OPCML: variants seen among roughly 807,000 people sequenced by gnomAD.
The protein encoded by OPCML is opioid binding protein/cell adhesion molecule like, also known as opioid-binding protein/cell adhesion molecule.
Under a neutral mutation model 37.8 loss-of-function variants are expected in OPCML, and 13 were observed. That is an observed-to-expected ratio of 0.34 (90% CI 0.22 to 0.55). OPCML has a LOEUF of 0.55. OPCML is among the 20% of genes least tolerant of loss of function. OPCML has a pLI of 0.91. For synonymous variants in OPCML, 176 were observed against 168.8 expected, an observed-to-expected ratio of 1.04 and a Z score of -0.33; for missense variants, 341 against 435.6, an observed-to-expected ratio of 0.78 and a Z score of 1.93.
intron 1 of OPCML, among the ~76,000 whole-genome samples, chr11:133,293,273 C>T (rs1392923115): frequency 2.0e-5 from 3 of 152,132 alleles, no homozygotes; most frequent in Non-Finnish European, 4.4e-5. Context: ...TTCTTTCCAT[C>T]ATCCTGGAGA....
intron 2 of OPCML, among the ~76,000 whole-genome samples, chr11:132,898,262 G>C (rs1398364587): frequency 6.6e-6 from 1 of 152,220 alleles, no homozygotes; most frequent in East Asian, 1.9e-4. Flanking sequence ...TCATGGAAGA[G>C]GCAGCATTTT....
chr11:133,326,956 T>C (rs1943483127), intron 1 of OPCML, among the ~76,000 whole-genome samples: 2 of 119,008 alleles, frequency 1.7e-5, no homozygotes, highest in African/African-American at 3.3e-5. Context: ...GGTGTGTGTA[T>C]GAGGTGGGGT....
chr11:133,199,961 G>A (rs1016282120), intron 1 of OPCML, among the ~76,000 whole-genome samples: 4 of 152,072 alleles, frequency 2.6e-5, no homozygotes, highest in Admixed American at 2.0e-4. Flanking sequence ...GCACTGACTC[G>A]GGAGAGACTC....
intron 4 of OPCML, among the ~76,000 whole-genome samples, chr11:132,443,549 G>A (rs1316668142): frequency 6.6e-6 from 1 of 152,234 alleles, no homozygotes; most frequent in East Asian, 1.9e-4. Flanking sequence ...TGGCCTGTAA[G>A]GCCACAACTA....
chr11:133,090,054 T>C (rs879308122), intron 1 of OPCML, among the ~76,000 whole-genome samples: 2 of 152,226 alleles, frequency 1.3e-5, no homozygotes, highest in Non-Finnish European at 2.9e-5. Flanking sequence ...TAGTCTCCTC[T>C]GAATCCTCTT....
chr11:133,097,622 C>G (rs1475722538), intron 1 of OPCML, among the ~76,000 whole-genome samples: 7 of 151,852 alleles, frequency 4.6e-5, no homozygotes, highest in Non-Finnish European at 1.0e-4. Flanking sequence ...AAGCCTCTAG[C>G]CAGAATAATT....
At chr11:132,437,618 A>G (rs1216642378) in intron 4 of OPCML, 1 of 290,852 alleles carries the variant, frequency 3.4e-6, no homozygotes, top group Non-Finnish European at 5.1e-6. Context: ...AGAACATGTC[A>G]TTATTTTTCT....
At chr11:133,441,184 C>G (rs1410020028) in intron 1 of OPCML, among the ~76,000 whole-genome samples, 12 of 151,886 alleles carry the variant, frequency 7.9e-5, no homozygotes, top group Admixed American at 7.9e-4. Context: ...CTATGCCTCT[C>G]TTTCTGTTAC....
intron 4 of OPCML, among the ~76,000 whole-genome samples, chr11:132,489,094 AT>A (rs777261183): frequency 1.3e-5 from 2 of 152,208 alleles, no homozygotes; most frequent in Non-Finnish European, 2.9e-5. Context: ...TTTTCATTAT[AT>A]CCTTATTCCT....
chr11:132,600,101 G>A (rs942269617), intron 3 of OPCML, among the ~76,000 whole-genome samples: 9 of 152,188 alleles, frequency 5.9e-5, no homozygotes, highest in Non-Finnish European at 1.0e-4. Flanking sequence ...GTCCTTCTGA[G>A]CTGCTTGGTC....
intron 1 of OPCML, among the ~76,000 whole-genome samples, chr11:133,318,134 C>T (rs1232132552): frequency 6.6e-6 from 1 of 152,194 alleles, no homozygotes; most frequent in African/African-American, 2.4e-5. Context: ...CTGCACTCTC[C>T]ATCACACGCT....
intron 1 of OPCML, among the ~76,000 whole-genome samples, chr11:133,176,848 T>C (rs2136278933): frequency 6.6e-6 from 1 of 152,350 alleles, no homozygotes; most frequent in African/African-American, 2.4e-5. Context: ...CAATCTCTGC[T>C]GTGGTCTAAA....
At chr11:132,426,390 T>C (rs1056384902) in intron 7 of OPCML, among the ~76,000 whole-genome samples, 4 of 152,164 alleles carry the variant, frequency 2.6e-5, no homozygotes, top group African/African-American at 9.7e-5. Context: ...TTTGAGAGGC[T>C]ACGTGTCTTG....
At chr11:132,870,647 A>G (rs997176790) in intron 2 of OPCML, among the ~76,000 whole-genome samples, 2 of 152,222 alleles carry the variant, frequency 1.3e-5, no homozygotes, top group Non-Finnish European at 2.9e-5. Context: ...TAATATGGAA[A>G]GAACGTAAGT....
chr11:132,716,822 G>A (rs548981529), intron 2 of OPCML, among the ~76,000 whole-genome samples: 1 of 152,220 alleles, frequency 6.6e-6, no homozygotes, highest in South Asian at 2.1e-4. Context: ...TATACCAGGT[G>A]AGTCTCTTAT....
intron 1 of OPCML, among the ~76,000 whole-genome samples, chr11:132,996,285 T>C (rs574932032): frequency 6.6e-6 from 1 of 152,130 alleles, no homozygotes; most frequent in East Asian, 1.9e-4. Flanking sequence ...GATACAGGAT[T>C]TGAAGGCAAA....
chr11:133,359,967 G>T (rs1185020022), intron 1 of OPCML: 2 of 152,140 alleles, frequency 1.3e-5, no homozygotes. Flanking sequence ...AGTGTGTAAA[G>T]GTGTGTACAC....
intron 1 of OPCML, among the ~76,000 whole-genome samples, chr11:133,114,263 C>T (rs1388771984): frequency 1.3e-5 from 2 of 152,200 alleles, no homozygotes; most frequent in African/African-American, 2.4e-5. Context: ...TCCCAGCCTG[C>T]TCCTTCTATG....
At chr11:132,436,523 CTT>C in intron 6 of OPCML, 134 bp downstream of exon 6, 1 of 1,451,022 alleles carries the variant, frequency 6.9e-7, no homozygotes. Context: ...TAAAAATAGA[CTT>C]TGTTACAAAA....
Sources: gnomAD v4.1 joint callset for allele counts (sites outside exome capture counted in the v4.1 genomes callset) on GRCh38, gnomAD v4.1.1 for gene constraint, MANE v1.5 for transcripts, NCBI Gene and HGNC (gene_info 2026-07-23, HGNC 2026-07-21) for gene names.